The following BRINP1 variants were observed in gnomAD, a reference collection of about 807,000 sequenced individuals.
BRINP1 encodes the protein BMP/retinoic acid-inducible neural-specific protein 1.
BRINP1 carries 17 observed loss-of-function variants against 72.9 expected under a neutral mutation model. That is an observed-to-expected ratio of 0.23 (90% CI 0.16 to 0.35). BRINP1 has a LOEUF of 0.35. Among genes scored for constraint, BRINP1 ranks in the 10% least tolerant of loss-of-function variants. BRINP1 has a pLI of 1.00. For synonymous variants in BRINP1, 418 were observed against 378.5 expected, an observed-to-expected ratio of 1.10 and a Z score of -1.21; for missense variants, 850 against 1,001.6, an observed-to-expected ratio of 0.85 and a Z score of 2.04.
intron 1 of BRINP1, among the ~76,000 whole-genome samples, chr9:119,364,664 G>T (rs147968211): frequency 6.6e-6 from 1 of 152,202 alleles, no homozygotes; most frequent in Non-Finnish European, 1.5e-5. Flanking sequence ...AGCTGTGATG[G>T]TTGTGTGACC....
intron 2 of BRINP1, among the ~76,000 whole-genome samples, chr9:119,301,815 T>A (rs1830942198): frequency 6.6e-6 from 1 of 152,232 alleles, no homozygotes; most frequent in Admixed American, 6.5e-5. Context: ...TTCAAAATTA[T>A]AACTTAAATA....
At chr9:119,210,633 G>C (rs1829912723) in intron 6 of BRINP1, among the ~76,000 whole-genome samples, 1 of 151,938 alleles carries the variant, frequency 6.6e-6, no homozygotes, top group South Asian at 2.1e-4. Flanking sequence ...GCAATCCCGA[G>C]GCTCAGTACA....
intron 7 of BRINP1, among the ~76,000 whole-genome samples, chr9:119,204,093 C>T (rs992210677): frequency 2.0e-5 from 3 of 152,188 alleles, no homozygotes; most frequent in Admixed American, 2.0e-4. Flanking sequence ...GTGGAGAGGT[C>T]CTGTGTGGGC....
At chr9:119,328,537 A>T (rs1219601371) in intron 1 of BRINP1, among the ~76,000 whole-genome samples, 1 of 152,210 alleles carries the variant, frequency 6.6e-6, no homozygotes, top group African/African-American at 2.4e-5. Context: ...AGACAGAAAG[A>T]TAATTAGCAC....
At chr9:119,287,290 A>G (rs1273015677) in intron 2 of BRINP1, among the ~76,000 whole-genome samples, 5 of 152,186 alleles carry the variant, frequency 3.3e-5, no homozygotes, top group African/African-American at 1.2e-4. Flanking sequence ...AAATTTCCTC[A>G]TTATCTCTGC....
chr9:119,355,684 G>T (rs922061747), intron 1 of BRINP1, among the ~76,000 whole-genome samples: 1 of 147,236 alleles, frequency 6.8e-6, no homozygotes, highest in African/African-American at 2.5e-5. Context: ...AGCTGAGATC[G>T]CACCACTGCA....
Position 119,218,624 on chromosome 9 carries a change from T to G in BRINP1, c.686-4469A>C, listed in dbSNP as rs569974103. ...ACAACTAAGGTAACAGAACCAGGAC[T>G]CCAATCTAGGAATTCAACTTGAGTT... On this transcript the variant is annotated intron_variant, in intron 5 of 7. Transcript: ENST00000265922. Among the ~76,000 whole-genome samples the G allele has an allele frequency of 6.1e-4, 93 of 152,054 alleles. 1 individual carries two copies. Among genetic ancestry groups the G allele is most frequent in the Admixed American group, 5.8e-3 (88 of 15,270 alleles).
intron 7 of BRINP1, 35 bp downstream of exon 7, chr9:119,208,684 G>T: frequency 6.3e-7 from 1 of 1,585,500 alleles, no homozygotes; most frequent in South Asian, 1.1e-5. Flanking sequence ...CGCCAGGTAG[G>T]TGCCTGCAGA....
chr9:119,188,811 A>G lies in BRINP1; in HGVS notation c.1145+19908T>C, dbSNP rs151140394. On this transcript the variant is annotated intron_variant, in intron 7 of 7. Transcript: ENST00000265922. ...AAAAAATGGGAAGTACTTCAACTAA[A>G]AGTAAAAGGATGACAATTACTACCA... Among the ~76,000 whole-genome samples the G allele has an allele frequency of 1.3e-3, 205 of 152,192 alleles. 1 individual carries two copies. Among genetic ancestry groups the G allele is most frequent in the African/African-American group, 4.7e-3 (194 of 41,534 alleles).
At chr9:119,235,687 A>C (rs1830186809) in intron 5 of BRINP1, among the ~76,000 whole-genome samples, 1 of 152,184 alleles carries the variant, frequency 6.6e-6, no homozygotes, top group Non-Finnish European at 1.5e-5. Context: ...TCTTCAAAAA[A>C]TATATTTGTT....
chr9:119,360,275 C>T (rs1831615705), intron 1 of BRINP1, among the ~76,000 whole-genome samples: 1 of 152,208 alleles, frequency 6.6e-6, no homozygotes, highest in African/African-American at 2.4e-5. Context: ...TCAATCTTTC[C>T]TAAGCATACC....
At chr9:119,311,950 T>C (rs1255173277) in intron 2 of BRINP1, among the ~76,000 whole-genome samples, 1 of 152,190 alleles carries the variant, frequency 6.6e-6, no homozygotes, top group African/African-American at 2.4e-5. Context: ...AGTAACACAC[T>C]CAACCTCCAA....
At chr9:119,310,659 A>G (rs1375497287) in intron 2 of BRINP1, among the ~76,000 whole-genome samples, 1 of 152,266 alleles carries the variant, frequency 6.6e-6, no homozygotes, top group East Asian at 1.9e-4. Context: ...GTCTGGGCAG[A>G]TCAGTAAAGC....
chr9:119,268,293 T>TAGATAGATAGACAGAC (rs1830574733), intron 2 of BRINP1, among the ~76,000 whole-genome samples: 2 of 138,212 alleles, frequency 1.4e-5, no homozygotes, highest in Non-Finnish European at 1.7e-5. Flanking sequence ...GATAGATAGA[T>TAGATAGATAGACAGAC]AGATAGATAA....
chr9:119,219,646 T>TGAGAGAGAGAGAGAGA (rs57623423), intron 5 of BRINP1, among the ~76,000 whole-genome samples: 2 of 125,824 alleles, frequency 1.6e-5, no homozygotes, highest in African/African-American at 5.9e-5. Context: ...TACTGTTTAC[T>TGAGAGAGAGAGAGAGA]GAGAGAGAGA....
chr9:119,250,414 G>C (rs1312928616), intron 2 of BRINP1, among the ~76,000 whole-genome samples: 1 of 152,170 alleles, frequency 6.6e-6, no homozygotes, highest in Admixed American at 6.5e-5. Context: ...GGAAGTCCAA[G>C]TCTCGCTCTC....
At position 119,251,393 on chromosome 9, in the gene BRINP1, C is replaced by G. The variant is rs577619197; in HGVS notation, c.219-2243G>C. 8.5e-5 allele frequency among the ~76,000 whole-genome samples: 13 copies of G among 152,212 alleles called. No homozygotes were observed. The South Asian group carries it at 2.7e-3, about 32-fold the overall frequency. On this transcript the variant is annotated intron_variant, in intron 2 of 7. Transcript: ENST00000265922. ...CTAGGGAAAGCTTCAGAGAGGAGGT[C>G]ATGTTTGAACTATAGTTTTTAAGTT...
chr9:119,256,893 G>A (rs1001949372), intron 2 of BRINP1, among the ~76,000 whole-genome samples: 3 of 152,082 alleles, frequency 2.0e-5, no homozygotes, highest in Non-Finnish European at 4.4e-5. Flanking sequence ...TGACTTGTTC[G>A]CTTACATGAA....
intron 1 of BRINP1, among the ~76,000 whole-genome samples, chr9:119,353,114 T>C (rs1250608258): frequency 1.3e-5 from 2 of 152,220 alleles, no homozygotes; most frequent in Non-Finnish European, 2.9e-5. Context: ...AGAACATCTA[T>C]TGATAGAATT....
Sources: gnomAD v4.1 joint callset for allele counts (sites outside exome capture counted in the v4.1 genomes callset) on GRCh38, gnomAD v4.1.1 for gene constraint, MANE v1.5 for transcripts, NCBI Gene and HGNC (gene_info 2026-07-23, HGNC 2026-07-21) for gene names.